The following CADPS2 variants were observed in gnomAD, a reference collection of about 807,000 sequenced individuals.
CADPS2 encodes the protein calcium-dependent secretion activator 2.
In CADPS2, 93 loss-of-function variants were observed where a neutral mutation model predicts 172.5. The observed-to-expected ratio is 0.54, with a 90% CI of 0.46 to 0.64. The LOEUF is 0.64. Ranked by LOEUF, CADPS2 falls within the 30% of genes least tolerant of loss-of-function variation. The pLI is 0.00. For missense variants in CADPS2, 1,420 were observed against 1,565.9 expected, an observed-to-expected ratio of 0.91 and a Z score of 1.57; for synonymous variants, 546 against 555.2, an observed-to-expected ratio of 0.98 and a Z score of 0.23.
chr7:122,554,692 G>T lies in CADPS2; in HGVS notation c.1336-3C>A. 6.3e-7 allele frequency: 1 copy of T among 1,578,624 alleles called. No individual in the cohort carries two copies. Among genetic ancestry groups the T allele is most frequent in the Non-Finnish European group, 8.6e-7 (1 of 1,162,538 alleles). On this transcript the variant is annotated splice_region_variant and splice_polypyrimidine_tract_variant and intron_variant, in intron 7 of 29. Transcript: ENST00000449022. ...TTAGAAGTTGGGTATAATATCACCT[G>T]TATGGAAAAAAAAACCCACATTTAA...
At chr7:122,860,060 G>C (rs199530589) in intron 1 of CADPS2, among the ~76,000 whole-genome samples, 1 of 152,014 alleles carries the variant, frequency 6.6e-6, no homozygotes, top group Non-Finnish European at 1.5e-5. Context: ...GGATTTATAA[G>C]TGCACTAATA....
intron 8 of CADPS2, among the ~76,000 whole-genome samples, chr7:122,537,179 A>G (rs1482640398): frequency 6.6e-6 from 1 of 152,020 alleles, no homozygotes; most frequent in African/African-American, 2.4e-5. Context: ...AGTGAAAAAA[A>G]AAAGACTTTC....
rs2044622133 is a variant in CADPS2 at position 122,393,236 on chromosome 7, T to C, written c.2968A>G (p.Ile990Val). 1.9e-6 allele frequency: 3 copies of C among 1,613,636 alleles called. No individual in the cohort carries two copies. The South Asian group carries it at 3.3e-5, about 18-fold the overall frequency. Residue 990 changes from isoleucine (I) to valine (V), a missense_variant, in exon 22 of 30, where the codon ATT becomes GTT. Transcript: ENST00000449022. The stretch of plus-strand genomic sequence containing the variant: ...GAAGGCATCCACGAAGCAGTAGAAA[T>C]GTTAGGAATCTGTGGAAGATTAAGA... ...LPLNLPQIPN[I>V]STASWMPSLY... is the part of the protein sequence containing the mutation.
At chr7:122,351,746 T>G (rs1161830180) in intron 27 of CADPS2, among the ~76,000 whole-genome samples, 1 of 152,168 alleles carries the variant, frequency 6.6e-6, no homozygotes, top group East Asian at 1.9e-4. Flanking sequence ...GCTATGAAGG[T>G]ATCTGATATC....
At chr7:122,533,529 C>T (rs1206557483) in intron 8 of CADPS2, among the ~76,000 whole-genome samples, 1 of 152,256 alleles carries the variant, frequency 6.6e-6, no homozygotes, top group South Asian at 2.1e-4. Context: ...AATAGAAGCA[C>T]ACCTTTTGGT....
intron 2 of CADPS2, among the ~76,000 whole-genome samples, chr7:122,728,755 A>G (rs1331688461): frequency 2.0e-5 from 3 of 151,576 alleles, no homozygotes; most frequent in Non-Finnish European, 4.4e-5. Flanking sequence ...TTGATACATT[A>G]TATTTGTACA....
At position 122,708,900 on chromosome 7, in the gene CADPS2, T is replaced by C. The variant is rs530456541; in HGVS notation, c.453+28055A>G. 1.1e-4 allele frequency among the ~76,000 whole-genome samples: 16 copies of C among 151,982 alleles called. No individual in the cohort carries two copies. In the South Asian group the frequency reaches 3.3e-3, roughly 32 times the overall value. ...CTAGGAGGCAGAAGGAAGAGGTAAA[T>C]AGTCTTAAGTAAACACAAGATTAAG... is the stretch of plus-strand genomic sequence containing the variant. On this transcript the variant is annotated intron_variant, in intron 2 of 29. Coordinates refer to ENST00000449022, the MANE Select transcript of CADPS2 (RefSeq NM_017954.11).
intron 1 of CADPS2, among the ~76,000 whole-genome samples, chr7:122,868,761 G>C (rs1275227686): frequency 4.6e-5 from 7 of 152,154 alleles, no homozygotes; most frequent in Non-Finnish European, 7.4e-5. Context: ...TTTCTGACCA[G>C]ACAAGGAATT....
intron 1 of CADPS2, among the ~76,000 whole-genome samples, chr7:122,861,565 T>TTCC (rs1355474898): frequency 2.0e-5 from 3 of 152,234 alleles, no homozygotes; most frequent in Non-Finnish European, 4.4e-5. Context: ...ACTCTGTTGT[T>TTCC]TCCTTTGCTG....
intron 1 of CADPS2, among the ~76,000 whole-genome samples, chr7:122,740,476 A>G (rs1033663988): frequency 3.9e-5 from 6 of 152,202 alleles, no homozygotes; most frequent in African/African-American, 1.2e-4. Context: ...TACGACTCCA[A>G]CGATATGACA....
chr7:122,583,393 C>T lies in CADPS2; in HGVS notation c.1224-2103G>A, dbSNP rs561232675. Among the ~76,000 whole-genome samples, 79 of 151,880 alleles carry T rather than the reference C, an allele frequency of 5.2e-4. 2 individuals are homozygous for T. The highest frequency in any genetic ancestry group is 3.4e-3 in the Middle Eastern group (1 of 294). ...GGTCTCATCTTCCTCTCCTCTCCAC[C>T]GTCACTACTCTGAAGTACCTAGCAT... On this transcript the variant is annotated intron_variant, in intron 6 of 29. Coordinates refer to ENST00000449022, the MANE Select transcript of CADPS2 (RefSeq NM_017954.11).
At chr7:122,688,922 C>T (rs184918861) in intron 2 of CADPS2, among the ~76,000 whole-genome samples, 2 of 152,088 alleles carry the variant, frequency 1.3e-5, no homozygotes, top group Non-Finnish European at 2.9e-5. Flanking sequence ...TACATAGGCT[C>T]GATATATATA....
At chr7:122,777,859 A>G (rs2093933190) in intron 1 of CADPS2, among the ~76,000 whole-genome samples, 1 of 152,146 alleles carries the variant, frequency 6.6e-6, no homozygotes, top group South Asian at 2.1e-4. Flanking sequence ...TGTCTTTATT[A>G]GCAGCATGAG....
intron 1 of CADPS2, among the ~76,000 whole-genome samples, chr7:122,784,293 T>G (rs534689319): frequency 6.6e-6 from 1 of 152,348 alleles, no homozygotes; most frequent in South Asian, 2.1e-4. Flanking sequence ...TGGGTACTGT[T>G]TACTTTTAGA....
chr7:122,772,234 G>C (rs1283631080), intron 1 of CADPS2, among the ~76,000 whole-genome samples: 1 of 152,134 alleles, frequency 6.6e-6, no homozygotes, highest in African/African-American at 2.4e-5. Flanking sequence ...GATTAAAAGT[G>C]AATCAATTAT....
chr7:122,533,142 G>A (rs1178260208), intron 8 of CADPS2, among the ~76,000 whole-genome samples: 1 of 151,818 alleles, frequency 6.6e-6, no homozygotes, highest in Non-Finnish European at 1.5e-5. Flanking sequence ...GTAGGATACT[G>A]GCAGTTGTCT....
At chr7:122,807,921 G>T in intron 1 of CADPS2, among the ~76,000 whole-genome samples, 1 of 152,110 alleles carries the variant, frequency 6.6e-6, no homozygotes, top group Non-Finnish European at 1.5e-5. Flanking sequence ...TACATTCTGA[G>T]GTACTAGGGA....
intron 1 of CADPS2, among the ~76,000 whole-genome samples, chr7:122,838,534 G>A (rs1809314117): frequency 6.6e-6 from 1 of 152,146 alleles, no homozygotes; most frequent in Non-Finnish European, 1.5e-5. Context: ...AAACCCCATT[G>A]TCTCAGCCCC....
chr7:122,715,115 G>C (rs935589428), intron 2 of CADPS2, among the ~76,000 whole-genome samples: 1 of 152,120 alleles, frequency 6.6e-6, no homozygotes, highest in African/African-American at 2.4e-5. Context: ...ATTTGATACA[G>C]CAACTACATG....
Sources: gnomAD v4.1 joint callset for allele counts (sites outside exome capture counted in the v4.1 genomes callset) on GRCh38, gnomAD v4.1.1 for gene constraint, MANE v1.5 for transcripts, NCBI Gene and HGNC (gene_info 2026-07-23, HGNC 2026-07-21) for gene names.